The following SEPTIN10 variants were observed in gnomAD, a reference collection of about 807,000 sequenced individuals.
SEPTIN10 encodes the protein septin 10.
In SEPTIN10, 66 loss-of-function variants were observed where a neutral mutation model predicts 54.8. The ratio of observed to expected loss-of-function variants is 1.21; its 90% CI spans 0.99 to 1.48. The LOEUF is 1.48. Among genes scored for constraint, SEPTIN10 ranks in the 40% most tolerant of loss-of-function variants. SEPTIN10 has a pLI of 0.00. For missense variants in SEPTIN10, 620 were observed against 545.6 expected, an observed-to-expected ratio of 1.14 and a Z score of -1.36; for synonymous variants, 161 against 181.0, an observed-to-expected ratio of 0.89 and a Z score of 0.89.
chr2:109,557,807 C>T (rs1443008193), intron 8 of SEPTIN10, among the ~76,000 whole-genome samples: 1 of 151,368 alleles, frequency 6.6e-6, no homozygotes, highest in Non-Finnish European at 1.5e-5. Flanking sequence ...TCTTGCTATA[C>T]TATTCCCTTT....
intron 5 of SEPTIN10, 74 bp downstream of exon 5, chr2:109,574,507 C>T (rs1689162056): frequency 2.4e-6 from 2 of 827,164 alleles, no homozygotes; most frequent in Non-Finnish European, 1.7e-6. Flanking sequence ...AATATATATC[C>T]ATATTGTAAA....
intron 10 of SEPTIN10, chr2:109,544,693 C>T: frequency 4.6e-6 from 4 of 866,972 alleles, no homozygotes; most frequent in Non-Finnish European, 5.5e-6. Context: ...GCTTTAAAAT[C>T]CAAAGCATGT....
At chr2:109,572,801 G>A (rs1688727923) in intron 5 of SEPTIN10, among the ~76,000 whole-genome samples, 1 of 151,690 alleles carries the variant, frequency 6.6e-6, no homozygotes, top group South Asian at 2.1e-4. Context: ...ATTTTTAGTA[G>A]AGACAAGGTT....
At chr2:109,611,474 C>T (rs1403978318) in intron 1 of SEPTIN10, among the ~76,000 whole-genome samples, 1 of 151,060 alleles carries the variant, frequency 6.6e-6, no homozygotes, top group African/African-American at 2.4e-5. Flanking sequence ...ACTTTAAACC[C>T]AACAGAAAAA....
At chr2:109,544,846 T>C (rs1680777546) in intron 10 of SEPTIN10, 1 of 780,460 alleles carries the variant, frequency 1.3e-6, no homozygotes, top group East Asian at 1.3e-4. Context: ...GGGATGGCTA[T>C]ATCAATGAAC....
At chr2:109,558,676 C>CCCAT (rs1684938892) in intron 8 of SEPTIN10, among the ~76,000 whole-genome samples, 1 of 152,142 alleles carries the variant, frequency 6.6e-6, no homozygotes, top group South Asian at 2.1e-4. Flanking sequence ...ACTCAGCATA[C>CCCAT]CCATTCAATA....
chr2:109,613,687 G>A (rs922180839), intron 1 of SEPTIN10, 111 bp downstream of exon 1: 2 of 725,364 alleles, frequency 2.8e-6, no homozygotes, highest in African/African-American at 1.8e-5. Flanking sequence ...GGGCCGGAGG[G>A]GGCGCGGGTC....
In SEPTIN10 at chr2:109,543,461, C is replaced by T. The variant is rs549266263; in HGVS notation, c.*848G>A. 6.6e-6 allele frequency: 1 copy of T among 152,212 alleles called. No individual in the cohort carries two copies. The highest frequency in any genetic ancestry group is 2.1e-4 in the South Asian group (1 of 4,812). 9.4% of individuals were successfully genotyped at this position (152,212 alleles called of 1,614,324 possible). A position where few individuals can be genotyped will look rare whatever the true frequency, so the allele number is the denominator to read the frequency against. The stretch of plus-strand genomic sequence containing the variant: ...GAAGTCATCATATTAAATAATCTGA[C>T]ACAAAAGCTTAAGATCATATCACCA... On this transcript the variant is annotated 3_prime_UTR_variant, in exon 11 of 11. Coordinates refer to ENST00000397712, the MANE Select transcript of SEPTIN10 (RefSeq NM_144710.5).
At position 109,585,704 on chromosome 2, in the gene SEPTIN10, G is replaced by A. The variant is rs1692342080; in HGVS notation, c.217+17C>T. ...AATATGAAGGAACAACTTAGAGGAA[G>A]AGTAGGTGGCACGTACCCACACAGA... On this transcript the variant is annotated intron_variant, in intron 3 of 10. Transcript: ENST00000397712. The A allele has an allele frequency of 6.6e-7, 1 of 1,520,536 alleles. No individual in the cohort carries two copies. Among genetic ancestry groups the A allele is most frequent in the Admixed American group, 1.7e-5 (1 of 59,800 alleles). 94.2% of individuals were successfully genotyped at this position (1,520,536 alleles called of 1,614,324 possible). A position where few individuals can be genotyped will look rare whatever the true frequency, so the allele number is the denominator to read the frequency against.
intron 5 of SEPTIN10, among the ~76,000 whole-genome samples, chr2:109,570,501 T>C (rs550619774): frequency 1.4e-4 from 21 of 151,440 alleles, no homozygotes; most frequent in Non-Finnish European, 2.2e-4. Context: ...ATAACAACTA[T>C]TGACATAGCA....
intron 4 of SEPTIN10, among the ~76,000 whole-genome samples, chr2:109,579,011 T>C (rs551519879): frequency 4.9e-4 from 74 of 151,960 alleles, no homozygotes; most frequent in South Asian, 1.2e-3. Context: ...TTTGAAAAGA[T>C]TAAATAAATT....
intron 8 of SEPTIN10, 96 bp from the exon 9 acceptor site, chr2:109,553,315 C>A: frequency 3.2e-6 from 4 of 1,269,066 alleles, no homozygotes; most frequent in Non-Finnish European, 4.4e-6. Flanking sequence ...GAGGCCGAGG[C>A]AGGTGGATCA....
chr2:109,565,940 A>T, intron 6 of SEPTIN10, 81 bp from the exon 7 acceptor site: 1 of 1,236,246 alleles, frequency 8.1e-7, no homozygotes, highest in Non-Finnish European at 1.2e-6. Flanking sequence ...GAGAGAGAAG[A>T]GAATAATTAA....
chr2:109,598,327 C>CA (rs1695767635), intron 1 of SEPTIN10, among the ~76,000 whole-genome samples: 1 of 152,024 alleles, frequency 6.6e-6, no homozygotes, highest in African/African-American at 2.4e-5. Flanking sequence ...CTCAGCCTCC[C>CA]AAAGTGCTGG....
intron 4 of SEPTIN10, among the ~76,000 whole-genome samples, chr2:109,578,296 A>G (rs973439948): frequency 2.0e-5 from 3 of 152,208 alleles, no homozygotes; most frequent in Non-Finnish European, 4.4e-5. Flanking sequence ...AAACATGTCT[A>G]AAGCACAAGG....
chr2:109,572,480 G>A (rs1688636373), intron 5 of SEPTIN10, among the ~76,000 whole-genome samples: 1 of 151,968 alleles, frequency 6.6e-6, no homozygotes, highest in Non-Finnish European at 1.5e-5. Context: ...TTTGTCCAGG[G>A]CCACATAGCT....
chr2:109,574,791 A>C, intron 4 of SEPTIN10, 24 bp from the exon 5 acceptor site: 1 of 1,515,174 alleles, frequency 6.6e-7, no homozygotes, highest in Non-Finnish European at 8.9e-7. Context: ...TAAATGTTTA[A>C]TACAACATTA....
At chr2:109,557,851 C>CT (rs202104089) in intron 8 of SEPTIN10, among the ~76,000 whole-genome samples, 10,059 of 140,718 alleles carry the variant, frequency 0.071, 772 homozygotes, top group East Asian at 0.24. Flanking sequence ...TCATAATTTT[C>CT]TTTTTTTTTT....
intron 5 of SEPTIN10, among the ~76,000 whole-genome samples, chr2:109,570,597 T>C (rs1688133048): frequency 6.6e-6 from 1 of 151,886 alleles, no homozygotes; most frequent in African/African-American, 2.4e-5. Flanking sequence ...TGATGTTGGC[T>C]CACTGCAACC....
Sources: gnomAD v4.1 joint callset for allele counts (sites outside exome capture counted in the v4.1 genomes callset) on GRCh38, gnomAD v4.1.1 for gene constraint, MANE v1.5 for transcripts, NCBI Gene and HGNC (gene_info 2026-07-23, HGNC 2026-07-21) for gene names.